RFTN2: variants seen among roughly 807,000 people sequenced by gnomAD.
The protein encoded by RFTN2 is raftlin-2.
Under a neutral mutation model 52.7 loss-of-function variants are expected in RFTN2, and 34 were observed. That is an observed-to-expected ratio of 0.64 (90% CI 0.49 to 0.86). The LOEUF (loss-of-function observed/expected upper bound fraction) is 0.86. Among genes scored for constraint, RFTN2 ranks in the 40% least tolerant of loss-of-function variants. The pLI is 0.00. For missense variants in RFTN2, 536 were observed against 600.1 expected (o/e 0.89, Z 1.12); for synonymous variants, 203 against 217.7 (o/e 0.93, Z 0.59).
At position 197,615,009 on chromosome 2, in the gene RFTN2, C is replaced by T. The variant is rs963152196; in HGVS notation, c.1154+867G>A. Among the ~76,000 whole-genome samples the T allele has an allele frequency of 2.6e-4, 40 of 151,778 alleles. 1 individual carries two copies. The highest frequency in any genetic ancestry group is 1.6e-4 in the Non-Finnish European group (11 of 67,954). On this transcript the variant is annotated intron_variant, in intron 7 of 8. Transcript: ENST00000295049. ...TCTTTACTTTATATCCACCTTAATTCCTTTCCCTACCCGAAGAAGGTGTGG... is the reference window on the plus strand; with the variant it reads ...TCTTTACTTTATATCCACCTTAATTTCTTTCCCTACCCGAAGAAGGTGTGG...
chr2:197,638,676 G>A (rs1342734387), intron 3 of RFTN2, among the ~76,000 whole-genome samples: 9 of 148,730 alleles, frequency 6.1e-5, no homozygotes, highest in Non-Finnish European at 1.3e-4. Context: ...ACACTGATGG[G>A]TCTTGACTCT....
intron 7 of RFTN2, among the ~76,000 whole-genome samples, chr2:197,614,599 G>C (rs2088112490): frequency 1.3e-5 from 2 of 152,130 alleles, no homozygotes; most frequent in Admixed American, 6.5e-5. Flanking sequence ...GGAGTCACAG[G>C]CACCCACCCC....
intron 7 of RFTN2, among the ~76,000 whole-genome samples, chr2:197,605,541 T>C (rs1274645207): frequency 6.6e-6 from 1 of 152,082 alleles, no homozygotes; most frequent in Non-Finnish European, 1.5e-5. Flanking sequence ...AAATGAGAAG[T>C]TTTTAGGAAT....
At chr2:197,588,424 C>T (rs2087636257) in intron 8 of RFTN2, among the ~76,000 whole-genome samples, 1 of 152,190 alleles carries the variant, frequency 6.6e-6, no homozygotes. Flanking sequence ...CAAGTTGCCC[C>T]AGTTGGTCTC....
chr2:197,590,903 G>A (rs1235065378), intron 8 of RFTN2, among the ~76,000 whole-genome samples: 2 of 152,162 alleles, frequency 1.3e-5, no homozygotes, highest in Non-Finnish European at 2.9e-5. Context: ...ACAATTTATT[G>A]CAAAAAGTAA....
intron 1 of RFTN2, among the ~76,000 whole-genome samples, chr2:197,669,406 G>C (rs1415035161): frequency 6.6e-6 from 1 of 151,302 alleles, no homozygotes; most frequent in Non-Finnish European, 1.5e-5. Context: ...TTTGGGGTTG[G>C]GGTGAGTGGA....
chr2:197,668,536 T>C (rs2089094363), intron 1 of RFTN2, among the ~76,000 whole-genome samples: 1 of 152,168 alleles, frequency 6.6e-6, no homozygotes, highest in Non-Finnish European at 1.5e-5. Flanking sequence ...CCTGTGGTCA[T>C]TGATGCCTCA....
At chr2:197,662,729 G>C (rs2106268343) in intron 1 of RFTN2, among the ~76,000 whole-genome samples, 1 of 152,116 alleles carries the variant, frequency 6.6e-6, no homozygotes. Flanking sequence ...CAATCCATGA[G>C]CATGAGATGT....
intron 5 of RFTN2, among the ~76,000 whole-genome samples, chr2:197,626,661 G>A (rs1386366059): frequency 7.0e-5 from 8 of 113,940 alleles, no homozygotes; most frequent in African/African-American, 2.1e-4. Context: ...TTGCACTGTC[G>A]CCTGGGCTAG....
intron 3 of RFTN2, among the ~76,000 whole-genome samples, chr2:197,640,606 G>T (rs982453049): frequency 6.6e-6 from 1 of 152,112 alleles, no homozygotes; most frequent in Non-Finnish European, 1.5e-5. Context: ...CGCACGGTGC[G>T]CGCACCCACT....
intron 8 of RFTN2, chr2:197,587,915 G>T (rs2087627604): frequency 1.2e-4 from 57 of 456,968 alleles, no homozygotes; most frequent in South Asian, 9.4e-4. Flanking sequence ...CAGAGGTGGG[G>T]CCCAGACCCA....
intron 1 of RFTN2, among the ~76,000 whole-genome samples, chr2:197,653,088 T>C (rs565835347): frequency 6.6e-6 from 1 of 152,332 alleles, no homozygotes; most frequent in South Asian, 2.1e-4. Flanking sequence ...TTTACCTAAT[T>C]ATATTATTAA....
intron 7 of RFTN2, among the ~76,000 whole-genome samples, chr2:197,609,494 A>G (rs6723768): frequency 0.68 from 102,956 of 152,010 alleles, 35,164 homozygotes; most frequent in Middle Eastern, 0.85. Flanking sequence ...GTTTTTTCTT[A>G]TAAATTTGTT....
At chr2:197,589,249 A>G (rs1003247817) in intron 8 of RFTN2, among the ~76,000 whole-genome samples, 3 of 148,906 alleles carry the variant, frequency 2.0e-5, no homozygotes, top group African/African-American at 7.5e-5. Context: ...AAAAAAAAAA[A>G]AAAAGGAGTT....
chr2:197,659,087 CT>C (rs1375274758), intron 1 of RFTN2, among the ~76,000 whole-genome samples: 1 of 152,046 alleles, frequency 6.6e-6, no homozygotes, highest in African/African-American at 2.4e-5. Flanking sequence ...AAAGCTAAGA[CT>C]TTGTTCAATG....
chr2:197,577,243 C>CT (rs958224804), intron 8 of RFTN2, among the ~76,000 whole-genome samples: 50 of 152,332 alleles, frequency 3.3e-4, no homozygotes, highest in African/African-American at 1.1e-3. Context: ...GGAATGTGTC[C>CT]TTAACCTTGG....
Position 197,603,003 on chromosome 2 carries a change from C to T in RFTN2, c.1155-6934G>A, listed in dbSNP as rs144977184. ...AAACCAAACATAGCATGTTCTCACT[C>T]ATAGGTGGGAATTGAACAATAAGAA... On this transcript the variant is annotated intron_variant, in intron 7 of 8. Coordinates refer to ENST00000295049, the MANE Select transcript of RFTN2 (RefSeq NM_144629.3). Among the ~76,000 whole-genome samples the T allele has an allele frequency of 7.9e-5, 12 of 152,244 alleles. No homozygotes were observed. The East Asian group carries it at 2.3e-3, about 29-fold the overall frequency.
At chr2:197,577,560 A>G (rs1574674037) in intron 8 of RFTN2, among the ~76,000 whole-genome samples, 1 of 152,358 alleles carries the variant, frequency 6.6e-6, no homozygotes, top group East Asian at 1.9e-4. Context: ...GCACTGGGGC[A>G]TTGGTCAGCA....
Position 197,633,708 on chromosome 2 carries a change from T to A in RFTN2, c.718+10A>T, listed in dbSNP as rs770565561. On this transcript the variant is annotated intron_variant, in intron 4 of 8. Transcript: ENST00000295049. ...TAGTATATTCTCTTTCTACTAATCT[T>A]GTCTATTACCTTCTCCCTTTCTTGA... The A allele has an allele frequency of 1.3e-5, 21 of 1,609,438 alleles. No homozygotes were observed. Among genetic ancestry groups the A allele is most frequent in the Non-Finnish European group, 1.8e-5 (21 of 1,176,920 alleles).
Sources: gnomAD v4.1 joint callset for allele counts (sites outside exome capture counted in the v4.1 genomes callset) on GRCh38, gnomAD v4.1.1 for gene constraint, MANE v1.5 for transcripts, NCBI Gene and HGNC (gene_info 2026-07-23, HGNC 2026-07-21) for gene names.